The following FBXL13 variants were observed in gnomAD, a reference collection of about 807,000 sequenced individuals.
FBXL13 encodes the protein F-box and leucine-rich repeat protein 13.
FBXL13 carries 67 observed loss-of-function variants against 83.6 expected under a neutral mutation model. The observed-to-expected ratio is 0.80, with a 90% CI of 0.66 to 0.98. The LOEUF is 0.98. FBXL13 is among the 50% of genes least tolerant of loss of function. FBXL13 has a pLI of 0.00. For missense variants in FBXL13, 822 were observed against 866.5 expected, an observed-to-expected ratio of 0.95 and a Z score of 0.64; for synonymous variants, 272 against 299.5, an observed-to-expected ratio of 0.91 and a Z score of 0.95.
intron 17 of FBXL13, among the ~76,000 whole-genome samples, chr7:102,846,304 A>T (rs1458654593): frequency 1.3e-5 from 2 of 152,220 alleles, no homozygotes; most frequent in East Asian, 3.8e-4. Flanking sequence ...ACTGAGCAAG[A>T]TGGTCACATT....
At chr7:103,003,152 T>C (rs542447837) in intron 6 of FBXL13, among the ~76,000 whole-genome samples, 1 of 152,202 alleles carries the variant, frequency 6.6e-6, no homozygotes, top group South Asian at 2.1e-4. Flanking sequence ...AACTCACTGA[T>C]TCTTTTCTCT....
At chr7:102,932,901 G>C (rs1819496118) in intron 8 of FBXL13, among the ~76,000 whole-genome samples, 1 of 152,168 alleles carries the variant, frequency 6.6e-6, no homozygotes. Context: ...GGCCAGAATA[G>C]TTATTTGAGA....
At chr7:103,029,359 A>T in exon 3 of FBXL13, 2 of 1,544,866 alleles carry the variant, frequency 1.3e-6, no homozygotes, top group Non-Finnish European at 1.8e-6. Context: ...ACCAAAAATG[A>T]GTCTTTACTA....
intron 6 of FBXL13, chr7:102,976,119 T>G (rs763915206): frequency 1.3e-6 from 1 of 766,222 alleles, no homozygotes; most frequent in South Asian, 1.3e-5. Context: ...AATCAAACCC[T>G]CCTACTCGGA....
chr7:102,811,674 TC>T (rs1797447037), downstream of FBXL13, among the ~76,000 whole-genome samples: 1 of 152,204 alleles, frequency 6.6e-6, no homozygotes, highest in African/African-American at 2.4e-5. Context: ...TTTTATAAGT[TC>T]CACCAGTTGT....
chr7:102,961,708 C>G, intron 8 of FBXL13, among the ~76,000 whole-genome samples: 1 of 148,908 alleles, frequency 6.7e-6, no homozygotes, highest in African/African-American at 2.5e-5. Flanking sequence ...TGATCTTTGA[C>G]AAACCTGAGA....
At chr7:102,908,006 C>T (rs940471619) in intron 11 of FBXL13, among the ~76,000 whole-genome samples, 4 of 152,128 alleles carry the variant, frequency 2.6e-5, no homozygotes, top group African/African-American at 7.2e-5. Context: ...GACAGTGTGG[C>T]GATTCCTGAA....
At chr7:102,931,825 C>G in intron 9 of FBXL13, 56 bp downstream of exon 10, 2 of 1,522,106 alleles carry the variant, frequency 1.3e-6, no homozygotes, top group Non-Finnish European at 1.8e-6. Context: ...TATTGGCACC[C>G]CAATGTAGCA....
chr7:103,006,660 T>G (rs1234125795), intron 6 of FBXL13, among the ~76,000 whole-genome samples: 2 of 152,004 alleles, frequency 1.3e-5, no homozygotes, highest in African/African-American at 4.8e-5. Context: ...AAGACAACAT[T>G]TAGACACTCA....
chr7:102,993,189 T>C (rs1041757290), intron 6 of FBXL13, among the ~76,000 whole-genome samples: 1 of 152,226 alleles, frequency 6.6e-6, no homozygotes, highest in African/African-American at 2.4e-5. Flanking sequence ...GACTGACCCC[T>C]GAGGTTATCA....
intron 10 of FBXL13, among the ~76,000 whole-genome samples, chr7:102,916,922 T>C (rs553806398): frequency 6.6e-6 from 1 of 152,276 alleles, no homozygotes; most frequent in Admixed American, 6.5e-5. Flanking sequence ...TGGGTTTTTT[T>C]CCATTAAAGA....
chr7:103,054,135 C>T (rs1294546604), intron 2 of FBXL13, among the ~76,000 whole-genome samples: 3 of 79,704 alleles, frequency 3.8e-5, no homozygotes, highest in Non-Finnish European at 1.1e-4. Flanking sequence ...GTGGCTCACA[C>T]CTGTAATCTG....
rs865827693 is a variant in FBXL13, at chr7:102,848,416, C to T, written c.1719+6361G>A. Among the ~76,000 whole-genome samples, 621 of 100,142 alleles carry T rather than the reference C, an allele frequency of 6.2e-3. 117 individuals carry two copies. The highest frequency in any genetic ancestry group is 0.015 in the Middle Eastern group (3 of 196). The allele number at this position is 100,142 out of a possible 152,430, so 65.7% of individuals were successfully genotyped here. ...CTAAAAATACAAAAAATTAGCCGGG[C>T]GTAGTGGCGGGCGCCTGTAGTCCCA... On this transcript the variant is annotated intron_variant, in intron 17 of 19. Transcript: ENST00000313221.
chr7:102,963,823 A>AG (rs532373838), intron 7 of FBXL13, among the ~76,000 whole-genome samples, 158 bp from the exon 9 acceptor site: 170 of 152,182 alleles, frequency 1.1e-3, no homozygotes, highest in Non-Finnish European at 1.9e-3. Context: ...ATAGAATGAG[A>AG]GAGATATTTG....
intron 8 of FBXL13, among the ~76,000 whole-genome samples, chr7:102,959,572 T>G (rs1175693485): frequency 6.6e-6 from 1 of 152,118 alleles, no homozygotes; most frequent in Non-Finnish European, 1.5e-5. Context: ...CCCTTTAATA[T>G]CTTTAGACTT....
intron 19 of FBXL13, among the ~76,000 whole-genome samples, chr7:102,815,085 T>C (rs983681622): frequency 1.3e-5 from 2 of 152,104 alleles, no homozygotes; most frequent in African/African-American, 4.8e-5. Flanking sequence ...GCACCATCAG[T>C]TTCATGTAAC....
intron 6 of FBXL13, 73 bp from the exon 8 acceptor site, chr7:102,968,190 T>C (rs1585175110): frequency 1.0e-6 from 1 of 993,748 alleles, no homozygotes; most frequent in South Asian, 1.3e-5. Flanking sequence ...ACCTTTTGTC[T>C]GTGTGTGTGC....
intron 6 of FBXL13, among the ~76,000 whole-genome samples, chr7:103,023,386 T>C (rs1370230560): frequency 1.3e-5 from 2 of 151,964 alleles, no homozygotes; most frequent in African/African-American, 4.8e-5. Flanking sequence ...AATGAGCATA[T>C]GAAAAAATGC....
chr7:103,051,461 A>G (rs1445318114), intron 2 of FBXL13, among the ~76,000 whole-genome samples: 1 of 152,138 alleles, frequency 6.6e-6, no homozygotes, highest in Non-Finnish European at 1.5e-5. Flanking sequence ...GAGCTCTGAA[A>G]TCCGAGAGAG....
Sources: allele counts gnomAD v4.1 joint callset (sites outside exome capture counted in the v4.1 genomes callset), GRCh38; gene constraint gnomAD v4.1.1; transcripts MANE v1.5; gene names NCBI Gene and HGNC (gene_info 2026-07-23, HGNC 2026-07-21).